Variants in FAF1 observed in about 807,000 individuals in gnomAD.
FAF1 encodes Fas associated factor 1.
Under a neutral mutation model 92.5 loss-of-function variants are expected in FAF1, and 25 were observed. The observed-to-expected ratio is 0.27, with a 90% CI of 0.20 to 0.38. The LOEUF is 0.38. Ranked by LOEUF, FAF1 falls within the 10% of genes least tolerant of loss-of-function variation. The pLI is 1.00. For missense variants in FAF1, 636 were observed against 793.3 expected (o/e 0.80, Z 2.38); for synonymous variants, 234 against 273.2 (o/e 0.86, Z 1.42).
chr1:50,717,579 CA>C (rs2124447484), intron 6 of FAF1, among the ~76,000 whole-genome samples: 1 of 152,338 alleles, frequency 6.6e-6, no homozygotes, highest in Admixed American at 6.5e-5. Flanking sequence ...CTCAAGTAAA[CA>C]GCTGTCATGA....
intron 7 of FAF1, among the ~76,000 whole-genome samples, chr1:50,678,055 T>C (rs991484905): frequency 6.6e-6 from 1 of 152,204 alleles, no homozygotes; most frequent in African/African-American, 2.4e-5. Flanking sequence ...TCAATGAACT[T>C]ACCCTTCCAT....
At chr1:50,483,385 G>T (rs1646724896) in intron 17 of FAF1, among the ~76,000 whole-genome samples, 1 of 151,880 alleles carries the variant, frequency 6.6e-6, no homozygotes, top group Admixed American at 6.6e-5. Flanking sequence ...ACTATGTCTT[G>T]ATTATAGTAA....
intron 13 of FAF1, among the ~76,000 whole-genome samples, chr1:50,549,497 A>G (rs1649194275): frequency 6.6e-6 from 1 of 151,940 alleles, no homozygotes; most frequent in African/African-American, 2.4e-5. Context: ...ACAAAATTTA[A>G]GGCTGGGCAT....
intron 15 of FAF1, among the ~76,000 whole-genome samples, chr1:50,527,674 T>G (rs1488064907): frequency 2.0e-5 from 3 of 152,334 alleles, no homozygotes; most frequent in Admixed American, 2.0e-4. Context: ...ATTAGTAGTT[T>G]CATCCAACTG....
chr1:50,880,729 C>T (rs1644605060), intron 1 of FAF1, among the ~76,000 whole-genome samples: 1 of 152,150 alleles, frequency 6.6e-6, no homozygotes, highest in Non-Finnish European at 1.5e-5. Flanking sequence ...ATTGTTACGG[C>T]CACCTGAGTA....
intron 15 of FAF1, among the ~76,000 whole-genome samples, chr1:50,534,901 G>C (rs571272146): frequency 2.0e-5 from 3 of 152,306 alleles, no homozygotes; most frequent in African/African-American, 7.2e-5. Flanking sequence ...TGTTAAGGAA[G>C]CTGAGAAATT....
chr1:50,625,191 C>A (rs1041814307), intron 8 of FAF1, among the ~76,000 whole-genome samples: 3 of 152,132 alleles, frequency 2.0e-5, no homozygotes, highest in African/African-American at 7.2e-5. Flanking sequence ...TGAGCCACCG[C>A]TCCCGGCAGA....
chr1:50,736,097 T>C (rs1659124758), intron 6 of FAF1, among the ~76,000 whole-genome samples: 1 of 152,134 alleles, frequency 6.6e-6, no homozygotes. Context: ...ACACTGAAAT[T>C]TCATGCAAAT....
At chr1:50,479,503 C>A (rs1646676109) in intron 17 of FAF1, among the ~76,000 whole-genome samples, 1 of 152,206 alleles carries the variant, frequency 6.6e-6, no homozygotes, top group Non-Finnish European at 1.5e-5. Context: ...CAACATATGA[C>A]AGCTGTTGGT....
chr1:50,811,075 C>T (rs191315872), intron 2 of FAF1, among the ~76,000 whole-genome samples: 44 of 152,218 alleles, frequency 2.9e-4, no homozygotes, highest in African/African-American at 7.9e-4. Flanking sequence ...TGGCTCATGG[C>T]TGTAATTCCA....
chr1:50,597,868 T>C (rs1026814289), intron 8 of FAF1, among the ~76,000 whole-genome samples: 1 of 152,228 alleles, frequency 6.6e-6, no homozygotes, highest in Non-Finnish European at 1.5e-5. Flanking sequence ...CAAATTCTTG[T>C]TGATCCCTAA....
chr1:50,481,001 T>C (rs901423911), intron 17 of FAF1, among the ~76,000 whole-genome samples: 1 of 152,166 alleles, frequency 6.6e-6, no homozygotes, highest in South Asian at 2.1e-4. Context: ...ATCTTAGTTT[T>C]TAATAAAAAG....
chr1:50,910,880 C>T (rs1247236562), intron 1 of FAF1, among the ~76,000 whole-genome samples: 2 of 151,998 alleles, frequency 1.3e-5, no homozygotes, highest in Non-Finnish European at 1.5e-5. Context: ...GTGGGCTGCA[C>T]CCACTGTCCA....
chr1:50,699,368 T>A (rs1252425551), intron 7 of FAF1, among the ~76,000 whole-genome samples: 1 of 152,082 alleles, frequency 6.6e-6, no homozygotes, highest in African/African-American at 2.4e-5. Flanking sequence ...ATCTCATAAC[T>A]TTGGTTAATA....
At chr1:50,722,707 T>TA (rs1658465608) in intron 6 of FAF1, among the ~76,000 whole-genome samples, 1 of 151,528 alleles carries the variant, frequency 6.6e-6, no homozygotes, top group African/African-American at 2.4e-5. Context: ...TAACTAGCTC[T>TA]GTGACTTGGC....
rs1452348036 is a variant in FAF1, at chr1:50,574,902, T to G, written c.1114-7671A>C. 1.5e-3 allele frequency among the ~76,000 whole-genome samples: 182 copies of G among 123,480 alleles called. 9 individuals carry two copies. Among genetic ancestry groups the G allele is most frequent in the African/African-American group, 5.7e-3 (177 of 31,032 alleles). 81.0% of individuals were successfully genotyped at this position (123,480 alleles called of 152,430 possible). ...GCATATAGAGTTGTATTAACTCTTT[T>G]TTTTTTTTTTTTTTTTTTTTTTTTG... On this transcript the variant is annotated intron_variant, in intron 12 of 18. Transcript: ENST00000396153.
chr1:50,780,737 T>C, intron 4 of FAF1: 2 of 294,098 alleles, frequency 6.8e-6, no homozygotes, highest in South Asian at 6.2e-5. Flanking sequence ...TGACTTGCTC[T>C]GATGCTGGAG....
At chr1:50,878,707 T>A (rs544055730) in intron 1 of FAF1, among the ~76,000 whole-genome samples, 5 of 152,290 alleles carry the variant, frequency 3.3e-5, no homozygotes, top group African/African-American at 1.2e-4. Context: ...ATTATGCCCA[T>A]TAAAATCCTT....
At chr1:50,625,628 G>T (rs1653463231) in intron 8 of FAF1, among the ~76,000 whole-genome samples, 1 of 152,092 alleles carries the variant, frequency 6.6e-6, no homozygotes, top group Non-Finnish European at 1.5e-5. Flanking sequence ...AGAAGAGAAA[G>T]AAATGATATG....
Sources: gnomAD v4.1 joint callset for allele counts (sites outside exome capture counted in the v4.1 genomes callset) on GRCh38, gnomAD v4.1.1 for gene constraint, MANE v1.5 for transcripts, NCBI Gene and HGNC (gene_info 2026-07-23, HGNC 2026-07-21) for gene names.